TANK: variants seen among roughly 807,000 people sequenced by gnomAD.
TANK encodes the protein TRAF family member-associated NF-kappa-B activator.
A neutral mutation model predicts 43.6 loss-of-function variants in TANK; 15 were observed. The ratio of observed to expected loss-of-function variants is 0.34; its 90% CI spans 0.23 to 0.53. The LOEUF (loss-of-function observed/expected upper bound fraction) is 0.53, where lower values mean the gene tolerates loss of function less well. Ranked by LOEUF, TANK falls within the 20% of genes least tolerant of loss-of-function variation. The pLI, the probability that TANK is intolerant of heterozygous loss-of-function variation, is 0.94. For synonymous variants in TANK, 162 were observed against 178.2 expected (o/e 0.91, Z 0.73); for missense variants, 417 against 498.6 (o/e 0.84, Z 1.56).
chr2:161,160,328 G>T (rs1053372902), upstream of TANK: 10 of 854,884 alleles, frequency 1.2e-5, no homozygotes, highest in African/African-American at 1.8e-5. Context: ...GGGCAGGGCG[G>T]AAGGGCCCTG....
chr2:161,169,235 A>T (rs1296340493), intron 1 of TANK, among the ~76,000 whole-genome samples: 2 of 152,236 alleles, frequency 1.3e-5, no homozygotes, highest in East Asian at 3.8e-4. Context: ...AAGCTTACAG[A>T]GTGATTCTTC....
At chr2:161,201,371 G>C in intron 2 of TANK, 1 of 697,962 alleles carries the variant, frequency 1.4e-6, no homozygotes, top group Non-Finnish European at 1.8e-6. Flanking sequence ...AAAATTAACT[G>C]GCAGAAGCTT....
chr2:161,144,505 C>T (rs772978863), intron 1 of TANK, among the ~76,000 whole-genome samples: 6 of 152,050 alleles, frequency 3.9e-5, no homozygotes, highest in South Asian at 4.1e-4. Context: ...TACATCATCT[C>T]GTTTTCATTA....
At chr2:161,202,695 T>C (rs1173869948) in intron 2 of TANK, among the ~76,000 whole-genome samples, 1 of 152,180 alleles carries the variant, frequency 6.6e-6, no homozygotes, top group African/African-American at 2.4e-5. Flanking sequence ...CCTCCAGGGA[T>C]AGAAATTGGT....
upstream of TANK, among the ~76,000 whole-genome samples, chr2:161,156,571 T>C (rs1309350556): frequency 6.6e-6 from 1 of 152,266 alleles, no homozygotes; most frequent in Non-Finnish European, 1.5e-5. Context: ...GGATGCTTTC[T>C]CTTGAATTAC....
chr2:161,184,663 C>T (rs973667530), intron 2 of TANK, among the ~76,000 whole-genome samples: 2 of 152,046 alleles, frequency 1.3e-5, no homozygotes, highest in Non-Finnish European at 2.9e-5. Flanking sequence ...ACATCTGAGG[C>T]CTGGTACCCT....
At chr2:161,165,039 C>CTT (rs11314845) in intron 1 of TANK, among the ~76,000 whole-genome samples, 7 of 97,698 alleles carry the variant, frequency 7.2e-5, no homozygotes, top group South Asian at 6.4e-4. Flanking sequence ...AACACCAATA[C>CTT]TTTTTTTTTT....
intron 3 of TANK, 74 bp downstream of exon 3, chr2:161,203,669 A>T (rs1225451373): frequency 1.1e-6 from 1 of 880,160 alleles, no homozygotes; most frequent in Non-Finnish European, 1.8e-6. Flanking sequence ...GAGTTTTTCT[A>T]TTTTATTCCT....
chr2:161,199,458 A>G (rs1284549455), intron 2 of TANK, among the ~76,000 whole-genome samples: 1 of 152,166 alleles, frequency 6.6e-6, no homozygotes, highest in Non-Finnish European at 1.5e-5. Context: ...AAAATGTTCA[A>G]TACCAGCAAT....
At chr2:161,143,197 G>C (rs753520126) in intron 1 of TANK, among the ~76,000 whole-genome samples, 1 of 152,118 alleles carries the variant, frequency 6.6e-6, no homozygotes, top group Admixed American at 6.5e-5. Context: ...TGCTGAAGTT[G>C]CTTATTAGCT....
chr2:161,142,755 T>C (rs565085096), intron 1 of TANK, among the ~76,000 whole-genome samples: 1 of 152,328 alleles, frequency 6.6e-6, no homozygotes, highest in South Asian at 2.1e-4. Context: ...TCAGGTAGCG[T>C]GATGCCTCCA....
At chr2:161,198,557 ATAT>A (rs1385301624) in intron 2 of TANK, among the ~76,000 whole-genome samples, 17 of 152,334 alleles carry the variant, frequency 1.1e-4, no homozygotes, top group Admixed American at 1.0e-3. Flanking sequence ...ACGGCTGTGG[ATAT>A]TATTTAGATA....
chr2:161,146,400 T>C (rs1683910857), intron 1 of TANK, among the ~76,000 whole-genome samples: 1 of 152,226 alleles, frequency 6.6e-6, no homozygotes, highest in African/African-American at 2.4e-5. Context: ...GAAGAGACAC[T>C]CTGACCTTTT....
intron 1 of TANK, among the ~76,000 whole-genome samples, chr2:161,168,174 GTGCCTCTCTGGGCC>G (rs758097594): frequency 2.8e-4 from 42 of 152,226 alleles, no homozygotes; most frequent in Non-Finnish European, 4.7e-4. Flanking sequence ...TTACATTTCA[GTGCCTCTCTGGGCC>G]TGATAATTAA....
chr2:161,224,736 C>T lies in TANK; in HGVS notation c.510C>T (p.Asp170=). 1 of 1,509,472 alleles carries T rather than the reference C, an allele frequency of 6.6e-7. No homozygotes were observed. The highest frequency in any genetic ancestry group is 2.4e-5 in the East Asian group (1 of 42,344). The allele number at this position is 1,509,472 out of a possible 1,614,324, so 93.5% of individuals were successfully genotyped here. ...KDHLSKLNIP[D]TATETQCSVP... ...ACTTAAGCAAACTTAATATACCAGA[C>T]ACTGCAACTGGTAAGATTTAATTTA... Residue 170 remains aspartate (D), a synonymous_variant, in exon 6 of 8, where the codon GAC becomes GAT. Transcript: ENST00000392749.
intron 1 of TANK, among the ~76,000 whole-genome samples, chr2:161,176,048 G>A (rs1413623950): frequency 6.6e-6 from 1 of 152,102 alleles, no homozygotes; most frequent in African/African-American, 2.4e-5. Flanking sequence ...GATTGCTATA[G>A]CATCAGCCTC....
chr2:161,224,068 CTTT>C, intron 5 of TANK, 77 bp downstream of exon 5: 1 of 1,020,344 alleles, frequency 9.8e-7, no homozygotes, highest in Non-Finnish European at 1.4e-6. Context: ...TTTTTTTAAG[CTTT>C]AACAATTGCA....
Position 161,201,513 on chromosome 2 carries a change from T to G in TANK, c.100-1974T>G, listed in dbSNP as rs148140426. Among the ~76,000 whole-genome samples, 782 of 152,326 alleles carry G rather than the reference T, an allele frequency of 5.1e-3. 6 individuals carry two copies. The highest frequency in any genetic ancestry group is 0.017 in the African/African-American group (723 of 41,568). ...TGCTAAGTTTTTTGGACTGGTTACT[T>G]AATCTCTGGACAGTATAATGTATAT... On this transcript the variant is annotated intron_variant, in intron 2 of 7. Transcript: ENST00000392749.
At position 161,204,656 on chromosome 2, in the gene TANK, A is replaced by G. The variant is rs768640431; in HGVS notation, c.209-19A>G. On this transcript the variant is annotated intron_variant, in intron 3 of 7. Coordinates refer to ENST00000392749, the MANE Select transcript of TANK (RefSeq NM_001199135.3). ...AATAAGGGTTTTCTGCTAATGTCCA[A>G]GAGGTTTTTGTCTTGCAGATAACAA... 1.3e-6 allele frequency: 2 copies of G among 1,596,434 alleles called. No homozygotes were observed. Among genetic ancestry groups the G allele is most frequent in the East Asian group, 2.3e-5 (1 of 43,466 alleles).
Sources: allele counts gnomAD v4.1 joint callset (sites outside exome capture counted in the v4.1 genomes callset), GRCh38; gene constraint gnomAD v4.1.1; transcripts MANE v1.5; gene names NCBI Gene and HGNC (gene_info 2026-07-23, HGNC 2026-07-21).